Variants in LRP4 observed in about 807,000 individuals in gnomAD.
LRP4 encodes LDL receptor related protein 4.
In LRP4, 95 loss-of-function variants were observed where a neutral mutation model predicts 220.3. The ratio of observed to expected loss-of-function variants is 0.43; its 90% CI spans 0.37 to 0.51. LRP4 has a LOEUF of 0.51. Ranked by LOEUF, LRP4 falls within the 20% of genes least tolerant of loss-of-function variation. The pLI, the probability that LRP4 is intolerant of heterozygous loss-of-function variation, is 0.00. For missense variants in LRP4, 1,925 were observed against 2,567.0 expected (o/e 0.75, Z 5.40); for synonymous variants, 903 against 954.6 (o/e 0.95, Z 1.00).
At chr11:46,891,361 G>C (rs931957695) in intron 13 of LRP4, among the ~76,000 whole-genome samples, 5 of 151,628 alleles carry the variant, frequency 3.3e-5, no homozygotes, top group African/African-American at 7.3e-5. Flanking sequence ...TGATCCACCT[G>C]CCTCGGCCTC....
At position 46,859,319 on chromosome 11, in the gene LRP4, G is replaced by C. The variant is rs373551673; in HGVS notation, c.5386-4C>G. Reference sequence around the variant, plus strand: ...TGTAGTTATGGTCAGGCCCTCCCTAGGGTGGAGAGTGGGCAGATATGGTCA... The same window carrying C: ...TGTAGTTATGGTCAGGCCCTCCCTACGGTGGAGAGTGGGCAGATATGGTCA... On this transcript the variant is annotated splice_region_variant and splice_polypyrimidine_tract_variant and intron_variant, in intron 37 of 37. Coordinates refer to ENST00000378623, the MANE Select transcript of LRP4 (RefSeq NM_002334.4). 22 of 1,610,450 alleles carry C rather than the reference G, an allele frequency of 1.4e-5. No individual in the cohort carries two copies. The highest frequency in any genetic ancestry group is 1.7e-5 in the Non-Finnish European group (20 of 1,176,922).
intron 1 of LRP4, among the ~76,000 whole-genome samples, chr11:46,905,902 G>T (rs930633049): frequency 4.6e-5 from 7 of 151,128 alleles, no homozygotes; most frequent in African/African-American, 1.5e-4. Context: ...CTATGACAAA[G>T]AATTATCTGG....
intron 20 of LRP4, among the ~76,000 whole-genome samples, chr11:46,879,849 CA>C (rs528315614): frequency 4.7e-4 from 72 of 152,218 alleles, no homozygotes; most frequent in African/African-American, 1.7e-3. Flanking sequence ...TTTAAAAATG[CA>C]AATGTCCACT....
chr11:46,897,424 G>A (rs1189930234), intron 7 of LRP4, among the ~76,000 whole-genome samples: 3 of 148,150 alleles, frequency 2.0e-5, no homozygotes, highest in Non-Finnish European at 1.5e-5. Flanking sequence ...CTCGCAGAGG[G>A]GGATTTGGCA....
intron 17 of LRP4, 60 bp from the exon 18 acceptor site, chr11:46,886,232 ACT>A (rs1228654495): frequency 1.6e-5 from 25 of 1,597,470 alleles, no homozygotes; most frequent in Non-Finnish European, 2.1e-5. Flanking sequence ...TGGAGCCCAA[ACT>A]CCACCAATTC....
chr11:46,893,184 C>G, intron 12 of LRP4, 55 bp from the exon 13 acceptor site: 1 of 1,607,256 alleles, frequency 6.2e-7, no homozygotes, highest in South Asian at 1.1e-5. Flanking sequence ...CCCCCATGTC[C>G]CATAGTAATA....
At chr11:46,911,332 A>G (rs889217787) in intron 1 of LRP4, among the ~76,000 whole-genome samples, 4 of 152,212 alleles carry the variant, frequency 2.6e-5, no homozygotes, top group Admixed American at 1.3e-4. Context: ...TCACAAATCC[A>G]ACAGGGCTCA....
At chr11:46,903,237 A>G (rs1398013753) in intron 1 of LRP4, among the ~76,000 whole-genome samples, 1 of 152,192 alleles carries the variant, frequency 6.6e-6, no homozygotes, top group Non-Finnish European at 1.5e-5. Flanking sequence ...GCTCATACCT[A>G]TATCACAGCA....
intron 37 of LRP4, chr11:46,860,865 G>A: frequency 3.3e-6 from 2 of 607,648 alleles, no homozygotes; most frequent in Non-Finnish European, 4.1e-6. Flanking sequence ...AGGGAGAGGT[G>A]GGGGATATGG....
chr11:46,864,484 A>G lies in LRP4; in HGVS notation c.5207T>C (p.Leu1736Pro). The G allele has an allele frequency of 6.2e-7, 1 of 1,613,994 alleles. No homozygotes were observed. Among genetic ancestry groups the G allele is most frequent in the South Asian group, 1.1e-5 (1 of 91,078 alleles). The change falls in exon 36 of 38, where the codon CTG becomes CCG. Residue 1736 changes from leucine (L) to proline (P), a missense_variant. Around this residue, in one of 3 missense-constraint regions of LRP4, gnomAD observed 1,244 missense variants for 1,624.9 expected, o/e 0.77. Coordinates refer to ENST00000378623, the MANE Select transcript of LRP4 (RefSeq NM_002334.4). ...CAAAGCTGCAATCACCACCAAAATCAGCAGAATACTGAGGAGTCCACCAAT... is the reference window on the plus strand; with the variant it reads ...CAAAGCTGCAATCACCACCAAAATCGGCAGAATACTGAGGAGTCCACCAAT... ...YAIGGLLSIL[L>P]ILVVIAALML...
intron 1 of LRP4, among the ~76,000 whole-genome samples, chr11:46,913,397 A>G (rs1255458046): frequency 1.3e-5 from 2 of 152,126 alleles, no homozygotes; most frequent in Non-Finnish European, 2.9e-5. Context: ...GCACCAACTT[A>G]AAAAGAAGAA....
chr11:46,914,520 C>A (rs907073395), intron 1 of LRP4, among the ~76,000 whole-genome samples: 26 of 152,168 alleles, frequency 1.7e-4, no homozygotes, highest in African/African-American at 5.8e-4. Flanking sequence ...TCAGGCTCTG[C>A]CAGCTAACCA....
At position 46,890,221 on chromosome 11, in the gene LRP4, G is replaced by A; in HGVS notation, c.1915+56C>T. ...AAAACCTCTACCAAGGCTCCTGGGG[G>A]GCAGGGACGGGGGCAGGAGGACAAG... On this transcript the variant is annotated intron_variant, in intron 14 of 37. Transcript: ENST00000378623. This position sits in a 1 kb window ranked among gnomAD's most constrained non-coding sequence, Gnocchi z 5.3. The A allele has an allele frequency of 6.2e-7, 1 of 1,605,076 alleles. No homozygotes were observed. The highest frequency in any genetic ancestry group is 8.5e-7 in the Non-Finnish European group (1 of 1,172,062).
At chr11:46,865,329 A>G (rs1196357042) in intron 34 of LRP4, 143 bp from the exon 35 acceptor site, 6 of 709,666 alleles carry the variant, frequency 8.5e-6, no homozygotes, top group Non-Finnish European at 1.6e-5. Flanking sequence ...AAGCATGGAG[A>G]GGGCAACAAC....
Position 46,896,919 on chromosome 11 carries a change from C to T in LRP4, c.872G>A (p.Gly291Glu). 6.2e-7 allele frequency: 1 copy of T among 1,614,254 alleles called. No individual in the cohort carries two copies. Among genetic ancestry groups the T allele is most frequent in the Non-Finnish European group, 8.5e-7 (1 of 1,180,046 alleles). ...RCVRLSWRCD[G>E]EDDCADNSDE... ...GCTGTTGTCTGCACAGTCGTCCTCC[C>T]CATCACAGCGCCAGGACAGGCGGAC... The change falls in exon 8 of 38, where the codon GGG (glycine) becomes GAG (glutamate). Residue 291 changes from glycine to glutamate, a missense_variant. By Grantham distance (98) the Gly-to-Glu change is moderately conservative. Around this residue, in one of 3 missense-constraint regions of LRP4, gnomAD observed 412 missense variants for 505.4 expected, o/e 0.82. Transcript: ENST00000378623.
chr11:46,884,872 G>C (rs11822784), intron 18 of LRP4, among the ~76,000 whole-genome samples: 1 of 151,566 alleles, frequency 6.6e-6, no homozygotes, highest in African/African-American at 2.4e-5. Context: ...AGATTGCGCC[G>C]CTGCACTCCA....
At chr11:46,868,219 C>T in intron 33 of LRP4, 105 bp from the exon 34 acceptor site, 3 of 1,391,898 alleles carry the variant, frequency 2.2e-6, no homozygotes, top group East Asian at 4.7e-5. Flanking sequence ...TTTAGCTGCC[C>T]TAGTCCCAGG....
Position 46,883,988 on chromosome 11 carries a change from G to T in LRP4, c.2507-12C>A, listed in dbSNP as rs1483856663. 14 of 1,593,688 alleles carry T rather than the reference G, an allele frequency of 8.8e-6. No individual in the cohort carries two copies. Among genetic ancestry groups the T allele is most frequent in the Non-Finnish European group, 1.2e-5 (14 of 1,161,482 alleles). On this transcript the variant is annotated splice_polypyrimidine_tract_variant and intron_variant, in intron 18 of 37. Transcript: ENST00000378623. ...AATCCGGTCTGTACCTATCAAGAAGGGATACAGAGATTAATTCTAGTCTTG... is the reference window on the plus strand; with the variant it reads ...AATCCGGTCTGTACCTATCAAGAAGTGATACAGAGATTAATTCTAGTCTTG...
In LRP4 at chr11:46,902,895, C is replaced by T; in HGVS notation, c.87G>A (p.Arg29=). ...CACTCACTGCACATGTGAAGTGGCT[C>T]CGACCACAAGCACACTCGGGGCTGC... ...LASSPECACG[R]SHFTCAVSAL... is the part of the protein sequence containing the mutation. Residue 29 remains arginine, a synonymous_variant, in exon 2 of 38, where the codon CGG becomes CGA. Transcript: ENST00000378623. The T allele has an allele frequency of 6.2e-7, 1 of 1,614,108 alleles. No homozygotes were observed.
Sources: allele counts gnomAD v4.1 joint callset (sites outside exome capture counted in the v4.1 genomes callset), GRCh38; gene constraint gnomAD v4.1.1; regional missense constraint gnomAD v4.1.1; non-coding constraint Gnocchi (gnomAD v3.1); transcripts MANE v1.5; gene names NCBI Gene and HGNC (gene_info 2026-07-23, HGNC 2026-07-21).